GALNT4: variants seen among roughly 807,000 people sequenced by gnomAD.
GALNT4 encodes the protein UDP-GalNAc:polypeptide N-acetylgalactosaminyltransferase 4.
GALNT4 carries 23 observed loss-of-function variants against 45.1 expected under a neutral mutation model. The ratio of observed to expected loss-of-function variants is 0.51; its 90% CI spans 0.37 to 0.72. The LOEUF is 0.72. Ranked by LOEUF, GALNT4 falls within the 30% of genes least tolerant of loss-of-function variation. GALNT4 has a pLI of 0.00. For synonymous variants in GALNT4, 264 were observed against 257.6 expected (o/e 1.02, Z -0.24); for missense variants, 757 against 709.0 (o/e 1.07, Z -0.77).
chr12:89,523,092 A>G lies in GALNT4; in HGVS notation c.1458T>C (p.Phe486=). 2 of 1,613,922 alleles carry G rather than the reference A, an allele frequency of 1.2e-6. No individual in the cohort carries two copies. The highest frequency in any genetic ancestry group is 1.7e-6 in the Non-Finnish European group (2 of 1,179,796). ...TTATTTCTTTGTTTGAAGTATATTC[A>G]AAGAATTGATTGCCTCCTTGACCAT... is the stretch of plus-strand genomic sequence containing the variant. ...GCHGQGGNQF[F]EYTSNKEIRF... Residue 486 remains phenylalanine (F), a synonymous_variant, in exon 1 of 1, where the codon TTT becomes TTC. Coordinates refer to ENST00000529983, the MANE Select transcript of GALNT4 (RefSeq NM_003774.5).
In GALNT4 at chr12:89,521,390, A is replaced by T. The variant is rs1192974088; in HGVS notation, c.*1423T>A. ...AGTGCTGGGATTACATGCGTGAGCC[A>T]CCGCACCCGGCCTCCCCTCACTTAA... On this transcript the variant is annotated 3_prime_UTR_variant, in exon 1 of 1. Transcript: ENST00000529983. 6.6e-6 allele frequency: 1 copy of T among 152,352 alleles called. No individual in the cohort carries two copies. The highest frequency in any genetic ancestry group is 1.5e-5 in the Non-Finnish European group (1 of 68,174). 9.4% of individuals were successfully genotyped at this position (152,352 alleles called of 1,614,324 possible).
chr12:89,524,022 C>A lies in GALNT4; in HGVS notation c.528G>T (p.Leu176Phe), dbSNP rs371149434. The change falls in exon 1 of 1, where the codon TTG becomes TTT. Residue 176 changes from leucine (L) to phenylalanine (F), a missense_variant. Physicochemically the swap from Leu to Phe is conservative, Grantham distance 22 (BLOSUM62 0). Coordinates refer to ENST00000529983, the MANE Select transcript of GALNT4 (RefSeq NM_003774.5). ...LLKEIILVDD[L>F]SDRVYLKTQL... ...GTGTCTTCAAATAAACTCTGTCACTCAAGTCATCCACCAAGATGATCTCTT... is the reference window on the plus strand; with the variant it reads ...GTGTCTTCAAATAAACTCTGTCACTAAAGTCATCCACCAAGATGATCTCTT... The A allele has an allele frequency of 1.8e-5, 29 of 1,613,440 alleles. No individual in the cohort carries two copies. Among genetic ancestry groups the A allele is most frequent in the Non-Finnish European group, 2.4e-5 (28 of 1,179,716 alleles).
chr12:89,523,999 G>C lies in GALNT4; in HGVS notation c.551C>G (p.Thr184Arg). The change falls in exon 1 of 1, where the codon ACA becomes AGA. Residue 184 changes from threonine (T) to arginine (R), a missense_variant. Physicochemically the swap from Thr to Arg is moderately conservative, Grantham distance 71. Transcript: ENST00000529983. Reference protein sequence around the residue: ...DDLSDRVYLKTQLETYISNLD... With the variant: ...DDLSDRVYLKRQLETYISNLD... The stretch of plus-strand genomic sequence containing the variant: ...ATTGCTGATGTAAGTTTCAAGTTGT[G>C]TCTTCAAATAAACTCTGTCACTCAA... The C allele has an allele frequency of 6.2e-7, 1 of 1,613,784 alleles. No individual in the cohort carries two copies. The highest frequency in any genetic ancestry group is 8.5e-7 in the Non-Finnish European group (1 of 1,179,824).
Position 89,523,976 on chromosome 12 carries a change from T to C in GALNT4, c.574A>G (p.Asn192Asp). 6.2e-7 allele frequency: 1 copy of C among 1,613,900 alleles called. No homozygotes were observed. Among genetic ancestry groups the C allele is most frequent in the Non-Finnish European group, 8.5e-7 (1 of 1,179,858 alleles). Residue 192 changes from asparagine to aspartate, a missense_variant, in exon 1 of 1, where the codon AAT becomes GAT. Physicochemically the swap from Asn to Asp is conservative, Grantham distance 23. Coordinates refer to ENST00000529983, the MANE Select transcript of GALNT4 (RefSeq NM_003774.5). ...LKTQLETYIS[N>D]LDRVRLIRTN... ...CTAATCAAGCGTACTCTATCAAGAT[T>C]GCTGATGTAAGTTTCAAGTTGTGTC...
Position 89,523,425 on chromosome 12 carries a change from G to A in GALNT4, c.1125C>T (p.Phe375=). ...PKRAPYARPN[F]LQNTARAAEV... is the part of the protein sequence containing the mutation. Reference sequence around the variant, plus strand: ...CTGCTGCCCGAGCAGTATTCTGTAGGAAATTGGGGCGAGCATATGGTGCCC... The same window carrying A: ...CTGCTGCCCGAGCAGTATTCTGTAGAAAATTGGGGCGAGCATATGGTGCCC... Residue 375 remains phenylalanine, a synonymous_variant, in exon 1 of 1, where the codon TTC becomes TTT. Coordinates refer to ENST00000529983, the MANE Select transcript of GALNT4 (RefSeq NM_003774.5). The A allele has an allele frequency of 6.2e-7, 1 of 1,614,018 alleles. No homozygotes were observed. Among genetic ancestry groups the A allele is most frequent in the Non-Finnish European group, 8.5e-7 (1 of 1,179,900 alleles).
chr12:89,524,230 CTGAGGTAAATATTGA>C lies in GALNT4; in HGVS notation c.305_319del (p.Ile102_Leu106del). ...GTGTCGATGCAGGGAAATCCTGTCA[CTGAGGTAAATATTGA>C]TGGCGTATCTCTCAATGAGTTCTTC... On this transcript the variant is annotated inframe_deletion, in exon 1 of 1. Coordinates refer to ENST00000529983, the MANE Select transcript of GALNT4 (RefSeq NM_003774.5). 6.2e-7 allele frequency: 1 copy of C among 1,613,986 alleles called. No homozygotes were observed.
Position 89,522,216 on chromosome 12 carries a change from GC to G in GALNT4, c.*596del, listed in dbSNP as rs1870945000. On this transcript the variant is annotated 3_prime_UTR_variant, in exon 1 of 1. Coordinates refer to ENST00000529983, the MANE Select transcript of GALNT4 (RefSeq NM_003774.5). ...ATGGGTATGTCTGCATGTTAAAAAG[GC>G]CTCCAAACTCACACTCAAACAAATG... The G allele has an allele frequency of 2.5e-6, 1 of 398,322 alleles. No individual in the cohort carries two copies. 24.7% of individuals were successfully genotyped at this position (398,322 alleles called of 1,614,324 possible).
Position 89,521,697 on chromosome 12 carries a change from T to G in GALNT4, c.*1116A>C, listed in dbSNP as rs577745539. 1.1e-5 allele frequency: 3 copies of G among 263,004 alleles called. No individual in the cohort carries two copies. Among genetic ancestry groups the G allele is most frequent in the African/African-American group, 6.6e-5 (3 of 45,750 alleles). 16.3% of individuals were successfully genotyped at this position (263,004 alleles called of 1,614,324 possible). The stretch of plus-strand genomic sequence containing the variant: ...ATTCCTCAGCTGAGCCATTCATTCA[T>G]TCATTCAGTCATTCATTCACCCACT... On this transcript the variant is annotated 3_prime_UTR_variant, in exon 1 of 1. Transcript: ENST00000529983.
rs1272617970 is a variant in GALNT4, at chr12:89,519,571, T to C, written c.*3242A>G. On this transcript the variant is annotated 3_prime_UTR_variant, in exon 1 of 1. Coordinates refer to ENST00000529983, the MANE Select transcript of GALNT4 (RefSeq NM_003774.5). ...GTTCTTTGTGCTCATTTTAAAATTA[T>C]TAAAACAGGAATTCAAAAGGACAAG... 3 of 152,602 alleles carry C rather than the reference T, an allele frequency of 2.0e-5. No individual in the cohort carries two copies. The highest frequency in any genetic ancestry group is 6.5e-5 in the Admixed American group (1 of 15,282). The allele number at this position is 152,602 out of a possible 1,614,324, so 9.5% of individuals were successfully genotyped here.
Position 89,522,027 on chromosome 12 carries a change from T to G in GALNT4, c.*786A>C, listed in dbSNP as rs1870925479. ...GTCCCTTTCTAGTACATTCATAACT[T>G]AAGGAAGTGCAATCAGAAAATGCCC... On this transcript the variant is annotated 3_prime_UTR_variant, in exon 1 of 1. Transcript: ENST00000529983. 1.3e-5 allele frequency: 5 copies of G among 398,866 alleles called. No individual in the cohort carries two copies. Among genetic ancestry groups the G allele is most frequent in the Non-Finnish European group, 2.2e-5 (5 of 226,060 alleles). The allele number at this position is 398,866 out of a possible 1,614,324, so 24.7% of individuals were successfully genotyped here.
In GALNT4 at chr12:89,524,065, G is replaced by A; in HGVS notation, c.485C>T (p.Ser162Phe). Reference protein sequence around the residue: ...LRTIHSVLETSPAVLLKEIIL... With the variant: ...LRTIHSVLETFPAVLLKEIIL... ...GATCTCTTTCAAAAGAACTGCAGGA[G>A]AAGTTTCTAAAACACTGTGAATGGT... Residue 162 changes from serine (S) to phenylalanine (F), a missense_variant, in exon 1 of 1, where the codon TCT becomes TTT. By Grantham distance (155) the Ser-to-Phe change is radical. Transcript: ENST00000529983. 6.2e-7 allele frequency: 1 copy of A among 1,613,792 alleles called. No individual in the cohort carries two copies. Among genetic ancestry groups the A allele is most frequent in the Non-Finnish European group, 8.5e-7 (1 of 1,179,810 alleles).
chr12:89,523,010 C>T lies in GALNT4; in HGVS notation c.1540G>A (p.Gly514Arg), dbSNP rs1460059284. The change falls in exon 1 of 1, where the codon GGA becomes AGA. Residue 514 changes from glycine (G) to arginine (R), a missense_variant. Physicochemically the swap from Gly to Arg is moderately radical, Grantham distance 125. Transcript: ENST00000529983. Reference protein sequence around the residue: ...AEVPEQKNYVGMQNCPKDGFP... With the variant: ...AEVPEQKNYVRMQNCPKDGFP... ...CCATCTTTGGGACAATTTTGCATTC[C>T]CACATAATTTTTTTGCTCAGGTACC... 3.1e-6 allele frequency: 5 copies of T among 1,613,822 alleles called. No individual in the cohort carries two copies. Among genetic ancestry groups the T allele is most frequent in the Non-Finnish European group, 4.2e-6 (5 of 1,179,834 alleles).
Position 89,524,570 on chromosome 12 carries a change from C to A in GALNT4, c.-21G>T. ...GCCATCCGGATTCTCAGGGCTGAGG[C>A]GCAGACGCGGCCACCAAGCCACCAC... On this transcript the variant is annotated 5_prime_UTR_variant, in exon 1 of 1. Coordinates refer to ENST00000529983, the MANE Select transcript of GALNT4 (RefSeq NM_003774.5). The A allele has an allele frequency of 6.2e-7, 1 of 1,609,284 alleles. No individual in the cohort carries two copies. The highest frequency in any genetic ancestry group is 8.5e-7 in the Non-Finnish European group (1 of 1,179,338).
Position 89,524,095 on chromosome 12 carries a change from A to C in GALNT4, c.455T>G (p.Leu152Arg), listed in dbSNP as rs1180106926. 1.9e-6 allele frequency: 3 copies of C among 1,614,004 alleles called. No individual in the cohort carries two copies. Among genetic ancestry groups the C allele is most frequent in the Non-Finnish European group, 1.7e-6 (2 of 1,179,884 alleles). ...AFYNEAWSTL[L>R]RTIHSVLETS... The stretch of plus-strand genomic sequence containing the variant: ...TTCTAAAACACTGTGAATGGTACGG[A>C]GCAAAGTCGACCAGGCTTCGTTATA... The change falls in exon 1 of 1, where the codon CTC becomes CGC. Residue 152 changes from leucine (L) to arginine (R), a missense_variant. Coordinates refer to ENST00000529983, the MANE Select transcript of GALNT4 (RefSeq NM_003774.5).
In GALNT4 at chr12:89,521,649, C is replaced by A. The variant is rs1023553883; in HGVS notation, c.*1164G>T. ...ATGAGAAAACTAAGCCCAAACACAT[C>A]ATAATAACTTGACCAAAGTTACATT... On this transcript the variant is annotated 3_prime_UTR_variant, in exon 1 of 1. Coordinates refer to ENST00000529983, the MANE Select transcript of GALNT4 (RefSeq NM_003774.5). 8 of 196,776 alleles carry A rather than the reference C, an allele frequency of 4.1e-5. No individual in the cohort carries two copies. Among genetic ancestry groups the A allele is most frequent in the Admixed American group, 1.8e-4 (3 of 16,604 alleles). The allele number at this position is 196,776 out of a possible 1,614,324, so 12.2% of individuals were successfully genotyped here. A position where few individuals can be genotyped will look rare whatever the true frequency, so the allele number is the denominator to read the frequency against.
Position 89,520,375 on chromosome 12 carries a change from G to A in GALNT4, c.*2438C>T, listed in dbSNP as rs1870747264. The A allele has an allele frequency of 1.3e-5, 2 of 151,328 alleles. No individual in the cohort carries two copies. Among genetic ancestry groups the A allele is most frequent in the Non-Finnish European group, 1.5e-5 (1 of 67,782 alleles). 9.4% of individuals were successfully genotyped at this position (151,328 alleles called of 1,614,324 possible). On this transcript the variant is annotated 3_prime_UTR_variant, in exon 1 of 1. Transcript: ENST00000529983. ...CTCCCATATAACAGGTGGCTAACAA[G>A]AAAACCAAAAATAAATAAAAAGAGA...
At position 89,523,635 on chromosome 12, in the gene GALNT4, T is replaced by A; in HGVS notation, c.915A>T (p.Arg305Ser). Residue 305 changes from arginine (R) to serine (S), a missense_variant, in exon 1 of 1, where the codon AGA (arginine) becomes AGT (serine). Transcript: ENST00000529983. Reference sequence around the variant, plus strand: ...ACAGTCCTCCAGCCATGGTAGGTGATCTGATGGGGTCAATTCTTGATATCC... The same window carrying A: ...ACAGTCCTCCAGCCATGGTAGGTGAACTGATGGGGTCAATTCTTGATATCC... ...DRRISRIDPI[R>S]SPTMAGGLFA... 1.3e-6 allele frequency: 2 copies of A among 1,540,826 alleles called. No homozygotes were observed. Among genetic ancestry groups the A allele is most frequent in the Non-Finnish European group, 1.7e-6 (2 of 1,149,384 alleles).
chr12:89,522,806 T>C lies in GALNT4; in HGVS notation c.*7A>G, dbSNP rs1165733871. The C allele has an allele frequency of 6.4e-7, 1 of 1,567,958 alleles. No homozygotes were observed. Among genetic ancestry groups the C allele is most frequent in the Non-Finnish European group, 8.6e-7 (1 of 1,158,848 alleles). On this transcript the variant is annotated 3_prime_UTR_variant, in exon 1 of 1. Coordinates refer to ENST00000529983, the MANE Select transcript of GALNT4 (RefSeq NM_003774.5). Reference sequence around the variant, plus strand: ...CTGTCAGCTCATGACGAAAGTGCTGTTGTGCTCTATTTCTCAAAACTCCAA... The same window carrying C: ...CTGTCAGCTCATGACGAAAGTGCTGCTGTGCTCTATTTCTCAAAACTCCAA...
At position 89,523,232 on chromosome 12, in the gene GALNT4, C is replaced by G. The variant is rs757150262; in HGVS notation, c.1318G>C (p.Asp440His). 5 of 1,614,030 alleles carry G rather than the reference C, an allele frequency of 3.1e-6. No homozygotes were observed. Among genetic ancestry groups the G allele is most frequent in the Non-Finnish European group, 2.5e-6 (3 of 1,179,904 alleles). ...NVFPNLHVPE[D>H]RPGWHGAIRS... Reference sequence around the variant, plus strand: ...ATAGCCCCATGCCAGCCTGGTCTATCCTCTGGAACATGTAAATTAGGAAAA... The same window carrying G: ...ATAGCCCCATGCCAGCCTGGTCTATGCTCTGGAACATGTAAATTAGGAAAA... Residue 440 changes from aspartate (D) to histidine (H), a missense_variant, in exon 1 of 1, where the codon GAT becomes CAT. Coordinates refer to ENST00000529983, the MANE Select transcript of GALNT4 (RefSeq NM_003774.5).
Sources: gnomAD v4.1 joint callset for allele counts on GRCh38, gnomAD v4.1.1 for gene constraint, MANE v1.5 for transcripts, NCBI Gene and HGNC (gene_info 2026-07-23, HGNC 2026-07-21) for gene names.